Variants in DOCK5 observed in about 807,000 individuals in gnomAD.
The protein encoded by DOCK5 is dedicator of cytokinesis 5.
In DOCK5, 142 loss-of-function variants were observed where a neutral mutation model predicts 251.8. The ratio of observed to expected loss-of-function variants is 0.56; its 90% CI spans 0.49 to 0.65. The LOEUF (loss-of-function observed/expected upper bound fraction) is 0.65, where lower values mean the gene tolerates loss of function less well. Among genes scored for constraint, DOCK5 ranks in the 30% least tolerant of loss-of-function variants. DOCK5 has a pLI of 0.00. For synonymous variants in DOCK5, 842 were observed against 835.5 expected, an observed-to-expected ratio of 1.01 and a Z score of -0.13; for missense variants, 2,111 against 2,312.3, an observed-to-expected ratio of 0.91 and a Z score of 1.79.
At chr8:25,325,666 C>A in intron 18 of DOCK5, 119 bp downstream of exon 18, 2 of 1,160,640 alleles carry the variant, frequency 1.7e-6, no homozygotes, top group Non-Finnish European at 2.4e-6. Context: ...GGATGTTGGC[C>A]AATTGGATTC....
In DOCK5 at chr8:25,278,620, G is replaced by A. The variant is rs199674670; in HGVS notation, c.276G>A (p.Thr92=). Residue 92 remains threonine, a synonymous_variant, in exon 5 of 52, where the codon ACG becomes ACA. Transcript: ENST00000276440. The stretch of plus-strand genomic sequence containing the variant: ...AGCTCCCCCTGGTGCAGGAGCTCAC[G>A]TCCACTCTGCGAGAATGGGCTGTCA... ...PGELPLVQEL[T]STLREWAVIW... 9.3e-6 allele frequency: 15 copies of A among 1,613,906 alleles called. No individual in the cohort carries two copies. Among genetic ancestry groups the A allele is most frequent in the African/African-American group, 1.3e-5 (1 of 75,028 alleles).
intron 42 of DOCK5, among the ~76,000 whole-genome samples, chr8:25,391,190 A>G (rs1218198172): frequency 7.4e-6 from 1 of 136,008 alleles, no homozygotes; most frequent in African/African-American, 2.8e-5. Flanking sequence ...GACATACACC[A>G]CCACACCTGT....
intron 1 of DOCK5, 39 bp downstream of exon 1, chr8:25,184,990 C>A: frequency 7.5e-7 from 1 of 1,327,052 alleles, no homozygotes; most frequent in South Asian, 2.2e-5. Flanking sequence ...CCGACCCACG[C>A]GGCCAAGTTC....
In DOCK5 at chr8:25,369,454, C is replaced by T; in HGVS notation, c.3439-102C>T. On this transcript the variant is annotated intron_variant, in intron 33 of 51. Coordinates refer to ENST00000276440, the MANE Select transcript of DOCK5 (RefSeq NM_024940.8). ...TGATCCTCCCTGTCTGTGCTGGAAA[C>T]AGTTCACAACTCAGCGAATGGGTTG... 1.9e-5 allele frequency: 17 copies of T among 908,846 alleles called. No homozygotes were observed. The South Asian group carries it at 2.5e-4, about 13-fold the overall frequency. 56.3% of individuals were successfully genotyped at this position (908,846 alleles called of 1,614,324 possible).
chr8:25,390,344 C>T (rs1471545908), intron 42 of DOCK5, 57 bp downstream of exon 42: 3 of 1,412,308 alleles, frequency 2.1e-6, no homozygotes, highest in Non-Finnish European at 2.9e-6. Flanking sequence ...CAGTGGCTCA[C>T]ATCTATAATC....
At position 25,391,901 on chromosome 8, in the gene DOCK5, A is replaced by G. The variant is rs1364254450; in HGVS notation, c.4361A>G (p.Tyr1454Cys). 3.7e-6 allele frequency: 6 copies of G among 1,613,766 alleles called. No individual in the cohort carries two copies. Among genetic ancestry groups the G allele is most frequent in the African/African-American group, 1.3e-5 (1 of 74,938 alleles). The change falls in exon 43 of 52, where the codon TAC becomes TGC. Residue 1454 changes from tyrosine (Y) to cysteine (C), a missense_variant. Transcript: ENST00000276440. ...KPVPEQILNYYRANEVQQFRY... is the reference protein window; with the variant it reads ...KPVPEQILNYCRANEVQQFRY... ...ATTGCTTTGTCCTTCTCCAGCTACTACAGAGCCAATGAAGTGCAGCAGTTC... is the reference window on the plus strand; with the variant it reads ...ATTGCTTTGTCCTTCTCCAGCTACTGCAGAGCCAATGAAGTGCAGCAGTTC...
chr8:25,238,745 A>T (rs1802863800), intron 1 of DOCK5, among the ~76,000 whole-genome samples: 1 of 152,234 alleles, frequency 6.6e-6, no homozygotes, highest in African/African-American at 2.4e-5. Flanking sequence ...TTGGGGAAGA[A>T]GTGGTGAATA....
intron 1 of DOCK5, among the ~76,000 whole-genome samples, chr8:25,204,674 C>T (rs922690286): frequency 6.6e-6 from 1 of 152,134 alleles, no homozygotes; most frequent in Non-Finnish European, 1.5e-5. Flanking sequence ...CTTCACATGC[C>T]GATGGTAATC....
Position 25,332,420 on chromosome 8 carries a change from G to T in DOCK5, c.2001+72G>T, listed in dbSNP as rs1805704560. On this transcript the variant is annotated intron_variant, in intron 19 of 51. Transcript: ENST00000276440. ...ATACCTATCTAATTATACCTAATTG[G>T]TTCACCATTTAAAATTAAATCATTC... The T allele has an allele frequency of 5.4e-6, 7 of 1,297,070 alleles. No individual in the cohort carries two copies. The South Asian group carries it at 5.4e-5, about 10-fold the overall frequency. The allele number at this position is 1,297,070 out of a possible 1,614,324, so 80.3% of individuals were successfully genotyped here.
At chr8:25,401,384 G>T (rs1367698528) in intron 47 of DOCK5, among the ~76,000 whole-genome samples, 3 of 152,130 alleles carry the variant, frequency 2.0e-5, no homozygotes, top group African/African-American at 7.2e-5. Context: ...ATTCTGAGAA[G>T]TTCCCGGGTG....
chr8:25,319,432 A>G, intron 14 of DOCK5, 146 bp from the exon 15 acceptor site: 1 of 524,792 alleles, frequency 1.9e-6, no homozygotes, highest in African/African-American at 1.9e-5. Flanking sequence ...TCTGTTCTTC[A>G]TCCCCCAAAC....
chr8:25,197,040 A>T (rs1458217751), intron 1 of DOCK5, among the ~76,000 whole-genome samples: 2 of 25,818 alleles, frequency 7.7e-5, no homozygotes, highest in Non-Finnish European at 5.0e-4. Flanking sequence ...CTATTATTTA[A>T]AAAAAAAATT....
At chr8:25,309,063 C>G in intron 12 of DOCK5, 138 bp downstream of exon 12, 1 of 1,134,126 alleles carries the variant, frequency 8.8e-7, no homozygotes, top group Non-Finnish European at 1.2e-6. Flanking sequence ...CCTCAGCTTC[C>G]AACCACAGGC....
chr8:25,366,231 C>G (rs987720695), intron 30 of DOCK5, among the ~76,000 whole-genome samples: 11 of 152,162 alleles, frequency 7.2e-5, no homozygotes, highest in African/African-American at 2.7e-4. Flanking sequence ...TGGCTCACGC[C>G]TATAGTCTCA....
chr8:25,389,505 T>G (rs557610718), intron 41 of DOCK5, among the ~76,000 whole-genome samples: 1 of 152,350 alleles, frequency 6.6e-6, no homozygotes, highest in South Asian at 2.1e-4. Context: ...AATATATACT[T>G]TCTATTGTGA....
Position 25,334,093 on chromosome 8 carries a change from C to T in DOCK5, c.2092-3C>T, listed in dbSNP as rs759092773. The T allele has an allele frequency of 1.2e-6, 2 of 1,610,836 alleles. No individual in the cohort carries two copies. Among genetic ancestry groups the T allele is most frequent in the East Asian group, 2.2e-5 (1 of 44,846 alleles). Reference sequence around the variant, plus strand: ...TGCTATTTCTATTTTTCACTTTTGGCAGGTATTTATTATTTCACTGATAGG... The same window carrying T: ...TGCTATTTCTATTTTTCACTTTTGGTAGGTATTTATTATTTCACTGATAGG... On this transcript the variant is annotated splice_region_variant and splice_polypyrimidine_tract_variant and intron_variant, in intron 20 of 51. Transcript: ENST00000276440.
At position 25,408,052 on chromosome 8, in the gene DOCK5, AGAG is replaced by A. The variant is rs2117347091; in HGVS notation, c.5167_5169del (p.Glu1723del). ...CCAGAGTTGAAGATCTGTCCCTTAG[AGAG>A]GAGAACAGCGAGAACCGGATCAGCA... On this transcript the variant is annotated inframe_deletion, in exon 49 of 52. Transcript: ENST00000276440. 1.1e-5 allele frequency: 18 copies of A among 1,610,894 alleles called. No homozygotes were observed. Among genetic ancestry groups the A allele is most frequent in the East Asian group, 2.2e-5 (1 of 44,830 alleles).
intron 35 of DOCK5, 21 bp downstream of exon 35, chr8:25,372,739 G>T (rs1310367013): frequency 6.2e-7 from 1 of 1,603,986 alleles, no homozygotes; most frequent in East Asian, 2.3e-5. Flanking sequence ...TGCCTCCGGT[G>T]TGATGGGAGG....
intron 20 of DOCK5, among the ~76,000 whole-genome samples, chr8:25,333,687 C>T (rs188416306): frequency 1.9e-3 from 288 of 152,260 alleles, no homozygotes; most frequent in Middle Eastern, 6.8e-3. Context: ...GCAGTTGTTA[C>T]TGGGGGCACT....
Sources: gnomAD v4.1 joint callset for allele counts (sites outside exome capture counted in the v4.1 genomes callset) on GRCh38, gnomAD v4.1.1 for gene constraint, MANE v1.5 for transcripts, NCBI Gene and HGNC (gene_info 2026-07-23, HGNC 2026-07-21) for gene names.